The following PRKCA variants were observed in gnomAD, a reference collection of about 807,000 sequenced individuals.
PRKCA encodes the protein protein kinase C alpha, also known as protein kinase C alpha type.
A neutral mutation model predicts 87.0 loss-of-function variants in PRKCA; 27 were observed. The observed-to-expected ratio is 0.31, with a 90% CI of 0.23 to 0.43. PRKCA has a LOEUF of 0.43. Among genes scored for constraint, PRKCA ranks in the 20% least tolerant of loss-of-function variants. The pLI is 1.00. For missense variants in PRKCA, 518 were observed against 852.3 expected (o/e 0.61, Z 4.88); for synonymous variants, 329 against 311.1 (o/e 1.06, Z -0.61).
chr17:66,656,182 G>A (rs1041211065), intron 5 of PRKCA, among the ~76,000 whole-genome samples: 1 of 152,184 alleles, frequency 6.6e-6, no homozygotes, highest in Non-Finnish European at 1.5e-5. Flanking sequence ...TGTCTTTGTT[G>A]TAAAGCACCC....
At chr17:66,327,461 G>C (rs370578141) in intron 2 of PRKCA, among the ~76,000 whole-genome samples, 1 of 151,782 alleles carries the variant, frequency 6.6e-6, no homozygotes, top group Non-Finnish European at 1.5e-5. Flanking sequence ...ACTGGAACCC[G>C]GGAGGTGGAG....
chr17:66,773,770 A>G (rs1974989713), intron 13 of PRKCA, among the ~76,000 whole-genome samples: 1 of 152,038 alleles, frequency 6.6e-6, no homozygotes, highest in South Asian at 2.1e-4. Context: ...TCAGAACAAG[A>G]TTCCCCAAAC....
At chr17:66,455,125 G>T (rs79599441) in intron 2 of PRKCA, among the ~76,000 whole-genome samples, 3,522 of 152,316 alleles carry the variant, frequency 0.023, 130 homozygotes, top group African/African-American at 0.08. Flanking sequence ...GTCCACATAA[G>T]TGAGTCAGGG....
At chr17:66,539,034 A>G (rs562105996) in intron 3 of PRKCA, among the ~76,000 whole-genome samples, 4 of 152,200 alleles carry the variant, frequency 2.6e-5, no homozygotes, top group Non-Finnish European at 4.4e-5. Flanking sequence ...CTGTGATGAA[A>G]AGAACAGTCC....
intron 1 of PRKCA, among the ~76,000 whole-genome samples, 199 bp downstream of exon 1, chr17:66,303,223 C>CCA (rs1904612414): frequency 6.6e-6 from 1 of 152,080 alleles, no homozygotes; most frequent in Non-Finnish European, 1.5e-5. Context: ...CGCCGTCCCG[C>CCA]CACACACACC....
At chr17:66,352,529 A>G (rs1444354952) in intron 2 of PRKCA, among the ~76,000 whole-genome samples, 1 of 146,016 alleles carries the variant, frequency 6.8e-6, no homozygotes, top group Admixed American at 6.9e-5. Flanking sequence ...GAGAAAAAAG[A>G]GCATCTTGAA....
intron 13 of PRKCA, among the ~76,000 whole-genome samples, chr17:66,765,448 A>ATATATATATATC (rs1479349228): frequency 7.2e-6 from 1 of 138,394 alleles, no homozygotes; most frequent in Admixed American, 7.3e-5. Flanking sequence ...ATATATATAT[A>ATATATATATATC]TATATATCCA....
intron 13 of PRKCA, among the ~76,000 whole-genome samples, chr17:66,753,323 T>C (rs1974477907): frequency 6.6e-6 from 1 of 152,214 alleles, no homozygotes; most frequent in African/African-American, 2.4e-5. Context: ...CTTGCCAAGA[T>C]CCATCCTTCC....
intron 8 of PRKCA, among the ~76,000 whole-genome samples, chr17:66,726,578 G>A (rs1393803692): frequency 6.6e-6 from 1 of 152,130 alleles, no homozygotes; most frequent in Non-Finnish European, 1.5e-5. Flanking sequence ...GGAGCTTGCG[G>A]CAGGCTGGCA....
At chr17:66,384,247 G>A (rs1909924547) in intron 2 of PRKCA, among the ~76,000 whole-genome samples, 1 of 152,140 alleles carries the variant, frequency 6.6e-6, no homozygotes, top group Non-Finnish European at 1.5e-5. Flanking sequence ...ACCTTTTGAT[G>A]TACTGCTGGT....
chr17:66,717,133 C>CT (rs1973496933), intron 8 of PRKCA, among the ~76,000 whole-genome samples: 4 of 152,172 alleles, frequency 2.6e-5, no homozygotes, highest in Admixed American at 2.6e-4. Flanking sequence ...GTACTGAAAT[C>CT]TAACTGCAAA....
In PRKCA at chr17:66,354,795, G is replaced by A. The variant is rs140930119; in HGVS notation, c.205+48668G>A. 5.9e-3 allele frequency among the ~76,000 whole-genome samples: 904 copies of A among 152,142 alleles called. 17 individuals carry two copies. Among genetic ancestry groups the A allele is most frequent in the Admixed American group, 0.027 (406 of 15,268 alleles). On this transcript the variant is annotated intron_variant, in intron 2 of 16. Transcript: ENST00000413366. Reference sequence around the variant, plus strand: ...TGATATTGCCTTGCACATAAATAAAGTACTTTTTTTTCCTCTGCAAAAGGA... The same window carrying A: ...TGATATTGCCTTGCACATAAATAAAATACTTTTTTTTCCTCTGCAAAAGGA...
intron 2 of PRKCA, among the ~76,000 whole-genome samples, chr17:66,311,385 G>A (rs1905077780): frequency 6.6e-6 from 1 of 152,164 alleles, no homozygotes; most frequent in African/African-American, 2.4e-5. Context: ...GAAGGTTGAG[G>A]CGGTCGAATT....
At chr17:66,480,507 GA>G (rs1915733665) in intron 2 of PRKCA, among the ~76,000 whole-genome samples, 1 of 152,164 alleles carries the variant, frequency 6.6e-6, no homozygotes, top group Admixed American at 6.5e-5. Context: ...ATGAGAAAAT[GA>G]AAGCATTTTA....
At chr17:66,352,572 T>TTTC in intron 2 of PRKCA, among the ~76,000 whole-genome samples, 1 of 138,352 alleles carries the variant, frequency 7.2e-6, no homozygotes, top group East Asian at 2.1e-4. Context: ...TTTTTTTTTT[T>TTTC]TTTTTTTTTT....
intron 2 of PRKCA, among the ~76,000 whole-genome samples, chr17:66,306,872 T>C (rs1353534311): frequency 6.6e-6 from 1 of 152,186 alleles, no homozygotes; most frequent in Non-Finnish European, 1.5e-5. Flanking sequence ...TAGCTAACTT[T>C]TCTGGCTCTC....
At chr17:66,514,403 G>A (rs1384655792) in intron 3 of PRKCA, among the ~76,000 whole-genome samples, 1 of 151,378 alleles carries the variant, frequency 6.6e-6, no homozygotes, top group Non-Finnish European at 1.5e-5. Context: ...AGTGTGATGA[G>A]AAAGTTGTCT....
At chr17:66,715,132 T>G (rs865980186) in intron 8 of PRKCA, among the ~76,000 whole-genome samples, 4 of 142,304 alleles carry the variant, frequency 2.8e-5, no homozygotes, top group African/African-American at 1.2e-4. Flanking sequence ...GTTTTTTGGT[T>G]TTTTTTTTTT....
intron 2 of PRKCA, among the ~76,000 whole-genome samples, chr17:66,448,713 C>CA (rs939732585): frequency 6.6e-6 from 1 of 151,386 alleles, no homozygotes; most frequent in Non-Finnish European, 1.5e-5. Flanking sequence ...TACACCAAAC[C>CA]AAAAAAAATT....
Sources: allele counts gnomAD v4.1 joint callset (sites outside exome capture counted in the v4.1 genomes callset), GRCh38; gene constraint gnomAD v4.1.1; transcripts MANE v1.5; gene names NCBI Gene and HGNC (gene_info 2026-07-23, HGNC 2026-07-21).